Variants in TIAM1 observed in about 807,000 individuals in gnomAD.
TIAM1 encodes the protein rho guanine nucleotide exchange factor TIAM1.
In TIAM1, 65 loss-of-function variants were observed where a neutral mutation model predicts 163.5. That is an observed-to-expected ratio of 0.40 (90% CI 0.33 to 0.49). The LOEUF (loss-of-function observed/expected upper bound fraction) is 0.49. Ranked by LOEUF, TIAM1 falls within the 20% of genes least tolerant of loss-of-function variation. The pLI is 0.77. For missense variants in TIAM1, 1,789 were observed against 2,044.7 expected, an observed-to-expected ratio of 0.87 and a Z score of 2.41; for synonymous variants, 833 against 810.1, an observed-to-expected ratio of 1.03 and a Z score of -0.48.
intron 2 of TIAM1, among the ~76,000 whole-genome samples, chr21:31,294,001 C>G (rs2074131383): frequency 6.6e-6 from 1 of 152,178 alleles, no homozygotes; most frequent in South Asian, 2.1e-4. Context: ...ATAAGCTACC[C>G]TGTTGGTGTT....
At chr21:31,271,150 A>G (rs2073038497) in intron 3 of TIAM1, among the ~76,000 whole-genome samples, 1 of 152,044 alleles carries the variant, frequency 6.6e-6, no homozygotes, top group Admixed American at 6.6e-5. Flanking sequence ...GAGGGCTGGA[A>G]GTGTCTTGTT....
chr21:31,443,171 A>C (rs2044497985), intron 2 of TIAM1, among the ~76,000 whole-genome samples: 1 of 152,242 alleles, frequency 6.6e-6, no homozygotes, highest in Non-Finnish European at 1.5e-5. Flanking sequence ...GGAATGGGTT[A>C]CAAAAGTGCC....
At chr21:31,542,124 G>A (rs961530813) in intron 1 of TIAM1, among the ~76,000 whole-genome samples, 1 of 152,144 alleles carries the variant, frequency 6.6e-6, no homozygotes, top group Non-Finnish European at 1.5e-5. Flanking sequence ...TCTTCTGAAT[G>A]CTTAGTAATG....
chr21:31,257,138 C>T (rs927210578), intron 4 of TIAM1, among the ~76,000 whole-genome samples: 5 of 152,220 alleles, frequency 3.3e-5, no homozygotes, highest in African/African-American at 7.2e-5. Flanking sequence ...AAATTAGTAA[C>T]TACTGGTCAC....
At chr21:31,547,284 A>G (rs950025777) in intron 1 of TIAM1, among the ~76,000 whole-genome samples, 3 of 152,228 alleles carry the variant, frequency 2.0e-5, no homozygotes, top group African/African-American at 2.4e-5. Flanking sequence ...AACAAAGTAT[A>G]TCTGGTTTTG....
At chr21:31,473,537 C>A (rs1446215551) in intron 1 of TIAM1, among the ~76,000 whole-genome samples, 1 of 133,284 alleles carries the variant, frequency 7.5e-6, no homozygotes, top group Non-Finnish European at 1.6e-5. Context: ...TTTTTTTTTG[C>A]TGTTGGAGTA....
At chr21:31,295,762 C>A (rs1442425757) in intron 2 of TIAM1, among the ~76,000 whole-genome samples, 1 of 152,096 alleles carries the variant, frequency 6.6e-6, no homozygotes, top group Non-Finnish European at 1.5e-5. Flanking sequence ...AATACACGTA[C>A]CTTTTGAGAA....
chr21:31,532,543 T>C (rs1210993321), intron 1 of TIAM1, among the ~76,000 whole-genome samples: 1 of 152,220 alleles, frequency 6.6e-6, no homozygotes, highest in Admixed American at 6.5e-5. Context: ...ACTGATATAA[T>C]GTCTACCTAA....
intron 13 of TIAM1, among the ~76,000 whole-genome samples, chr21:31,193,342 C>T (rs191617904): frequency 2.2e-4 from 34 of 152,278 alleles, no homozygotes; most frequent in Middle Eastern, 3.4e-3. Context: ...TTATGGTGAA[C>T]GCCTACTTTC....
intron 6 of TIAM1, among the ~76,000 whole-genome samples, chr21:31,230,264 T>C (rs773488240): frequency 1.3e-5 from 2 of 152,194 alleles, no homozygotes; most frequent in Non-Finnish European, 2.9e-5. Flanking sequence ...ATATATGTTA[T>C]GAACTTAAGA....
Position 31,307,158 on chromosome 21 carries a change from A to G in TIAM1, c.-188-30250T>C, listed in dbSNP as rs533685098. Among the ~76,000 whole-genome samples the G allele has an allele frequency of 2.6e-5, 4 of 152,324 alleles. No individual in the cohort carries two copies. In the South Asian group the frequency reaches 8.3e-4, roughly 32 times the overall value. On this transcript the variant is annotated intron_variant, in intron 2 of 27. Transcript: ENST00000541036. Reference sequence around the variant, plus strand: ...AATGGAATGAGGCACAAATTACCACATCACTTATTCTACTAATGTGAGAAT... The same window carrying G: ...AATGGAATGAGGCACAAATTACCACGTCACTTATTCTACTAATGTGAGAAT...
intron 5 of TIAM1, among the ~76,000 whole-genome samples, chr21:31,249,135 A>G (rs1434038420): frequency 6.6e-6 from 1 of 152,202 alleles, no homozygotes; most frequent in African/African-American, 2.4e-5. Flanking sequence ...GAATATGATC[A>G]TCTTTGGAAA....
At chr21:31,278,294 A>G (rs1352906187) in intron 2 of TIAM1, among the ~76,000 whole-genome samples, 1 of 152,264 alleles carries the variant, frequency 6.6e-6, no homozygotes, top group Non-Finnish European at 1.5e-5. Flanking sequence ...ATTTAGGTAA[A>G]AGATCCAAAC....
intron 8 of TIAM1, among the ~76,000 whole-genome samples, chr21:31,219,385 G>A (rs2087416869): frequency 6.6e-6 from 1 of 152,162 alleles, no homozygotes; most frequent in African/African-American, 2.4e-5. Flanking sequence ...TGTTGCCAGA[G>A]GTGAATGTCT....
At chr21:31,228,832 G>A (rs2146651175) in intron 6 of TIAM1, among the ~76,000 whole-genome samples, 1 of 152,266 alleles carries the variant, frequency 6.6e-6, no homozygotes, top group East Asian at 1.9e-4. Flanking sequence ...GAGGCCTCAG[G>A]AAACGTACAA....
At chr21:31,215,745 T>C (rs369802536) in intron 9 of TIAM1, among the ~76,000 whole-genome samples, 3 of 152,130 alleles carry the variant, frequency 2.0e-5, no homozygotes, top group African/African-American at 7.2e-5. Flanking sequence ...GCAAGCTCAA[T>C]GATCTACTCT....
intron 2 of TIAM1, among the ~76,000 whole-genome samples, chr21:31,416,922 G>A (rs1172025755): frequency 1.3e-5 from 2 of 152,200 alleles, no homozygotes; most frequent in Non-Finnish European, 2.9e-5. Flanking sequence ...ACAAGTCAAA[G>A]GAATGTCTTT....
intron 1 of TIAM1, among the ~76,000 whole-genome samples, chr21:31,496,956 C>G (rs2147436484): frequency 6.6e-6 from 1 of 152,312 alleles, no homozygotes; most frequent in East Asian, 1.9e-4. Flanking sequence ...CAACCTACAT[C>G]CCTCGCATGA....
intron 6 of TIAM1, among the ~76,000 whole-genome samples, chr21:31,237,930 T>C (rs1221759564): frequency 3.3e-5 from 5 of 152,182 alleles, no homozygotes. Flanking sequence ...TGGCTTCAAG[T>C]TGAAGGAAAG....
Sources: allele counts gnomAD v4.1 joint callset (sites outside exome capture counted in the v4.1 genomes callset), GRCh38; gene constraint gnomAD v4.1.1; transcripts MANE v1.5; gene names NCBI Gene and HGNC (gene_info 2026-07-23, HGNC 2026-07-21).